Variants in SLC35D2 observed in about 807,000 individuals in gnomAD.
SLC35D2 encodes solute carrier family 35 member D2, also known as nucleotide sugar transporter SLC35D2.
Under a neutral mutation model 41.8 loss-of-function variants are expected in SLC35D2, and 43 were observed. The ratio of observed to expected loss-of-function variants is 1.03; its 90% CI spans 0.81 to 1.33. The LOEUF (loss-of-function observed/expected upper bound fraction) is 1.33, where lower values mean the gene tolerates loss of function less well. Among genes scored for constraint, SLC35D2 ranks in the 40% most tolerant of loss-of-function variants. The probability of loss-of-function intolerance (pLI) is 0.00; values close to 1 mark genes in which losing one functional copy is unlikely to be tolerated. For missense variants in SLC35D2, 380 were observed against 408.4 expected (o/e 0.93, Z 0.60); for synonymous variants, 150 against 163.9 (o/e 0.92, Z 0.65).
At chr9:96,358,905 C>T (rs1830150107) in intron 4 of SLC35D2, among the ~76,000 whole-genome samples, 1 of 151,932 alleles carries the variant, frequency 6.6e-6, no homozygotes, top group South Asian at 2.1e-4. Flanking sequence ...CGCTTGAACC[C>T]AAGAGGTGGA....
At chr9:96,320,459 T>G (rs1460422350), downstream of SLC35D2, among the ~76,000 whole-genome samples, 1 of 149,812 alleles carries the variant, frequency 6.7e-6, no homozygotes, top group Non-Finnish European at 1.5e-5. Context: ...GAGGCTGCAG[T>G]GAGCCGAGAT....
chr9:96,382,496 C>CACACACTATA (rs200897475), intron 1 of SLC35D2, among the ~76,000 whole-genome samples: 59 of 127,930 alleles, frequency 4.6e-4, no homozygotes, highest in African/African-American at 1.5e-3. Flanking sequence ...CACACACACA[C>CACACACTATA]TATATATATA....
At chr9:96,343,595 A>G (rs1285998379) in intron 8 of SLC35D2, among the ~76,000 whole-genome samples, 1 of 152,196 alleles carries the variant, frequency 6.6e-6, no homozygotes. Context: ...CTTCTAGGGT[A>G]AGTAGCTCTC....
At chr9:96,332,271 G>A (rs536124349) in intron 9 of SLC35D2, among the ~76,000 whole-genome samples, 1 of 151,992 alleles carries the variant, frequency 6.6e-6, no homozygotes, top group Non-Finnish European at 1.5e-5. Context: ...ACATCCCTTC[G>A]CACCCGTCAG....
At chr9:96,368,447 TTTTTTC>T (rs1798443996) in intron 1 of SLC35D2, 142 bp from the exon 2 acceptor site, 1 of 768,808 alleles carries the variant, frequency 1.3e-6, no homozygotes, top group South Asian at 2.1e-5. Context: ...ATTCTTTTTT[TTTTTTC>T]TTTTTAAGAC....
chr9:96,352,125 T>C lies in SLC35D2; in HGVS notation c.348-16A>G, dbSNP rs771045933. On this transcript the variant is annotated splice_polypyrimidine_tract_variant and intron_variant, in intron 4 of 11. Coordinates refer to ENST00000253270, the MANE Select transcript of SLC35D2 (RefSeq NM_007001.3). Reference sequence around the variant, plus strand: ...CATCGGTAGGCTGCCAGGAAAAGAGTGAAGCATGTCAGACACCAAGGGTTG... The same window carrying C: ...CATCGGTAGGCTGCCAGGAAAAGAGCGAAGCATGTCAGACACCAAGGGTTG... The C allele has an allele frequency of 6.3e-7, 1 of 1,594,332 alleles. No individual in the cohort carries two copies. Among genetic ancestry groups the C allele is most frequent in the Admixed American group, 1.7e-5 (1 of 59,322 alleles).
chr9:96,342,040 G>A (rs13286777), intron 8 of SLC35D2, among the ~76,000 whole-genome samples: 3,978 of 151,304 alleles, frequency 0.026, 77 homozygotes, highest in Middle Eastern at 0.055. Context: ...AAAAACCCTC[G>A]TTTCTATAAT....
chr9:96,343,995 T>G lies in SLC35D2; in HGVS notation c.593A>C (p.Glu198Ala), dbSNP rs1247890607. The change falls in exon 8 of 12, where the codon GAG (glutamate) becomes GCG (alanine). Residue 198 changes from glutamate (E) to alanine (A), a missense_variant and splice_region_variant. Physicochemically the swap from Glu to Ala is moderately radical, Grantham distance 107. Transcript: ENST00000253270. Reference protein sequence around the residue: ...VYTKQKMDPKELGKYGVLFYN... With the variant: ...VYTKQKMDPKALGKYGVLFYN... ...GAAAAGTACTCCGTATTTCCCTAGC[T>G]CCTGCAAAAACAAAAATGTAAAAAC... 2.0e-5 allele frequency: 32 copies of G among 1,580,000 alleles called. No homozygotes were observed. Among genetic ancestry groups the G allele is most frequent in the Non-Finnish European group, 2.7e-5 (32 of 1,167,828 alleles).
intron 9 of SLC35D2, among the ~76,000 whole-genome samples, chr9:96,326,619 T>C (rs553914939): frequency 1.3e-5 from 2 of 152,066 alleles, no homozygotes; most frequent in Admixed American, 6.5e-5. Context: ...CTGGCCAACA[T>C]GGTGAAACCC....
chr9:96,383,489 A>C lies in SLC35D2; in HGVS notation c.146T>G (p.Leu49Arg). 1 of 1,537,300 alleles carries C rather than the reference A, an allele frequency of 6.5e-7. No individual in the cohort carries two copies. Among genetic ancestry groups the C allele is most frequent in the Non-Finnish European group, 8.8e-7 (1 of 1,141,386 alleles). ...FLIVLVNKAL[L>R]TTYGFPSPIF... Reference sequence around the variant, plus strand: ...GGCCCCGCCTCACCCGTAGGTGGTCAGCAGCGCCTTGTTGACAAGCACGAT... The same window carrying C: ...GGCCCCGCCTCACCCGTAGGTGGTCCGCAGCGCCTTGTTGACAAGCACGAT... The change falls in exon 1 of 12, where the codon CTG (leucine) becomes CGG (arginine). Residue 49 changes from leucine (L) to arginine (R), a missense_variant. Transcript: ENST00000253270.
intron 8 of SLC35D2, among the ~76,000 whole-genome samples, chr9:96,343,191 C>G (rs1829417793): frequency 6.6e-6 from 1 of 152,220 alleles, no homozygotes; most frequent in African/African-American, 2.4e-5. Context: ...AGAATGTCCA[C>G]ACGTCCTGAG....
intron 4 of SLC35D2, among the ~76,000 whole-genome samples, chr9:96,353,014 CA>C (rs1017879840): frequency 2.0e-4 from 30 of 150,054 alleles, no homozygotes; most frequent in African/African-American, 7.1e-4. Flanking sequence ...ACCTCTGTCT[CA>C]AAAAAATAAA....
downstream of SLC35D2, among the ~76,000 whole-genome samples, chr9:96,318,757 G>T (rs1442119097): frequency 6.6e-6 from 1 of 152,006 alleles, no homozygotes; most frequent in East Asian, 1.9e-4. Context: ...AGGAGTTGCA[G>T]ACCATCCTGG....
At chr9:96,353,948 C>A (rs946683538) in intron 4 of SLC35D2, among the ~76,000 whole-genome samples, 2 of 152,140 alleles carry the variant, frequency 1.3e-5, no homozygotes, top group African/African-American at 4.8e-5. Flanking sequence ...CACCCATACC[C>A]CAGCACAGGC....
At chr9:96,382,726 G>T (rs1564134217) in intron 1 of SLC35D2, among the ~76,000 whole-genome samples, 1 of 152,046 alleles carries the variant, frequency 6.6e-6, no homozygotes, top group African/African-American at 2.4e-5. Context: ...GCATATTCTT[G>T]TAACATAGTA....
chr9:96,358,077 ATTT>A (rs1554715391), intron 4 of SLC35D2, among the ~76,000 whole-genome samples: 41 of 82,192 alleles, frequency 5.0e-4, no homozygotes, highest in African/African-American at 2.4e-3. Flanking sequence ...AATATTATAT[ATTT>A]TATATATATA....
Position 96,363,262 on chromosome 9 carries a change from G to A in SLC35D2, c.279+1202C>T, listed in dbSNP as rs34143757. The stretch of plus-strand genomic sequence containing the variant: ...ACGATCCTCCTGCCTTGATCTCCCC[G>A]AGTCACTGGGATTATAGGCGTGAGC... On this transcript the variant is annotated intron_variant, in intron 3 of 11. Transcript: ENST00000253270. 5.1e-3 allele frequency among the ~76,000 whole-genome samples: 769 copies of A among 150,580 alleles called. 2 individuals carry two copies. The highest frequency in any genetic ancestry group is 8.1e-3 in the Non-Finnish European group (550 of 67,846).
intron 1 of SLC35D2, among the ~76,000 whole-genome samples, chr9:96,382,985 G>C (rs916801166): frequency 7.0e-6 from 1 of 143,714 alleles, no homozygotes; most frequent in Non-Finnish European, 1.6e-5. Flanking sequence ...ACAAATTTGC[G>C]TTTACTTCAC....
At chr9:96,322,858 C>G (rs547807122) in intron 10 of SLC35D2, among the ~76,000 whole-genome samples, 12 of 151,704 alleles carry the variant, frequency 7.9e-5, no homozygotes, top group African/African-American at 1.5e-4. Flanking sequence ...GCTGGGACTA[C>G]AGGGCACTCA....
Sources: allele counts gnomAD v4.1 joint callset (sites outside exome capture counted in the v4.1 genomes callset), GRCh38; gene constraint gnomAD v4.1.1; transcripts MANE v1.5; gene names NCBI Gene and HGNC (gene_info 2026-07-23, HGNC 2026-07-21).